Variants in DGKB observed in about 807,000 individuals in gnomAD.
DGKB encodes diacylglycerol kinase beta.
In DGKB, 67 loss-of-function variants were observed where a neutral mutation model predicts 114.3. The observed-to-expected ratio is 0.59, with a 90% CI of 0.48 to 0.72. The LOEUF (loss-of-function observed/expected upper bound fraction) is 0.72, where lower values mean the gene tolerates loss of function less well. Among genes scored for constraint, DGKB ranks in the 30% least tolerant of loss-of-function variants. The pLI is 0.00. For synonymous variants in DGKB, 398 were observed against 323.1 expected (o/e 1.23, Z -2.49); for missense variants, 907 against 975.2 (o/e 0.93, Z 0.93).
intron 25 of DGKB, among the ~76,000 whole-genome samples, chr7:14,170,145 A>AAAAAAAAGAAAGAAAG (rs1369239302): frequency 2.0e-5 from 2 of 99,980 alleles, no homozygotes; most frequent in Non-Finnish European, 4.0e-5. Flanking sequence ...AAAAAAAAAA[A>AAAAAAAAGAAAGAAAG]AAAGAAAGAA....
At chr7:14,959,648 A>T (rs898849049) in intron 1 of DGKB, among the ~76,000 whole-genome samples, 1 of 151,980 alleles carries the variant, frequency 6.6e-6, no homozygotes, top group Non-Finnish European at 1.5e-5. Context: ...AGTAACTGGA[A>T]AGCTCAGTAA....
At chr7:14,885,546 T>C (rs1854920485) in intron 1 of DGKB, among the ~76,000 whole-genome samples, 1 of 151,910 alleles carries the variant, frequency 6.6e-6, no homozygotes, top group African/African-American at 2.4e-5. Context: ...GAGTGTACAG[T>C]GGCACATAGA....
chr7:14,192,408 G>A (rs1246796405), intron 23 of DGKB, among the ~76,000 whole-genome samples: 1 of 152,098 alleles, frequency 6.6e-6, no homozygotes, highest in East Asian at 1.9e-4. Context: ...AACCAAGGAG[G>A]TGAAAGATCT....
At chr7:14,814,076 C>A (rs1843773018) in intron 2 of DGKB, 1 of 152,128 alleles carries the variant, frequency 6.6e-6, no homozygotes, top group African/African-American at 2.4e-5. Context: ...GTGAACATTA[C>A]AATTGATTCC....
Position 14,272,536 on chromosome 7 carries a change from T to C in DGKB, c.2122+65979A>G, listed in dbSNP as rs60404299. 8.8e-3 allele frequency among the ~76,000 whole-genome samples: 1,345 copies of C among 152,334 alleles called. 20 individuals carry two copies. The highest frequency in any genetic ancestry group is 0.031 in the African/African-American group (1,283 of 41,570). On this transcript the variant is annotated intron_variant, in intron 23 of 25. Transcript: ENST00000402815. Reference sequence around the variant, plus strand: ...GAGATTTATATCTTTGAAGAAGCTATGCACATAATGACTTCAAGATTCATT... The same window carrying C: ...GAGATTTATATCTTTGAAGAAGCTACGCACATAATGACTTCAAGATTCATT...
intron 23 of DGKB, among the ~76,000 whole-genome samples, chr7:14,291,811 T>A (rs751669771): frequency 8.5e-5 from 13 of 152,146 alleles, no homozygotes; most frequent in Non-Finnish European, 1.8e-4. Flanking sequence ...ATGAACCCTA[T>A]GCGGCAAAGA....
chr7:14,523,935 G>C (rs1389858890), intron 20 of DGKB, among the ~76,000 whole-genome samples: 1 of 152,028 alleles, frequency 6.6e-6, no homozygotes, highest in Non-Finnish European at 1.5e-5. Context: ...TGACTAAATG[G>C]TTATACTATA....
At chr7:14,446,396 C>G (rs1001594337) in intron 21 of DGKB, among the ~76,000 whole-genome samples, 23 of 152,164 alleles carry the variant, frequency 1.5e-4, no homozygotes, top group African/African-American at 4.1e-4. Flanking sequence ...GCTCTGTTTA[C>G]TCTTTAGGAG....
intron 23 of DGKB, among the ~76,000 whole-genome samples, chr7:14,207,005 G>C (rs2128297688): frequency 6.6e-6 from 1 of 151,916 alleles, no homozygotes; most frequent in South Asian, 2.1e-4. Flanking sequence ...TATAAATGTT[G>C]GCAATAACTT....
At chr7:14,681,764 A>C (rs1820876197) in intron 12 of DGKB, among the ~76,000 whole-genome samples, 1 of 152,104 alleles carries the variant, frequency 6.6e-6, no homozygotes, top group African/African-American at 2.4e-5. Context: ...TAACAACTGC[A>C]TTCATTCCAA....
intron 21 of DGKB, among the ~76,000 whole-genome samples, chr7:14,431,995 C>T (rs1008067497): frequency 2.6e-5 from 4 of 151,946 alleles, no homozygotes; most frequent in Non-Finnish European, 5.9e-5. Context: ...AAGACTATGC[C>T]AGGTATGTTT....
Position 14,170,193 on chromosome 7 carries a change from G to T in DGKB, c.2304+6646C>A, listed in dbSNP as rs1209216687. Among the ~76,000 whole-genome samples, 7 of 138,616 alleles carry T rather than the reference G, an allele frequency of 5.0e-5. 1 individual carries two copies. Among genetic ancestry groups the T allele is most frequent in the Non-Finnish European group, 1.1e-4 (7 of 64,352 alleles). 90.9% of individuals were successfully genotyped at this position (138,616 alleles called of 152,430 possible). On this transcript the variant is annotated intron_variant, in intron 25 of 25. Transcript: ENST00000402815. ...AGAAAGAAAGAAAGAAAGAAAGAAA[G>T]AAAGAAAGAAATACATTAAGCCTCT...
At chr7:14,952,281 A>G (rs1179716454) in intron 1 of DGKB, among the ~76,000 whole-genome samples, 1 of 152,008 alleles carries the variant, frequency 6.6e-6, no homozygotes, top group Non-Finnish European at 1.5e-5. Flanking sequence ...CCAAAATTAT[A>G]AGACTATAAA....
At position 14,538,575 on chromosome 7, in the gene DGKB, G is replaced by A. The variant is rs577147185; in HGVS notation, c.1770+35637C>T. ...GCAGCCACTATGATAAAATAGTATAGAGATTCCTCAAAAAAAAAATTGAAC... is the reference window on the plus strand; with the variant it reads ...GCAGCCACTATGATAAAATAGTATAAAGATTCCTCAAAAAAAAAATTGAAC... On this transcript the variant is annotated intron_variant, in intron 20 of 25. Coordinates refer to ENST00000402815, the MANE Select transcript of DGKB (RefSeq NM_001350709.2). 5.9e-5 allele frequency among the ~76,000 whole-genome samples: 9 copies of A among 152,090 alleles called. No homozygotes were observed. The East Asian group carries it at 1.7e-3, about 29-fold the overall frequency.
chr7:14,853,698 TACA>T lies in DGKB; in HGVS notation c.-187-12251_-187-12249del, dbSNP rs1044043863. On this transcript the variant is annotated intron_variant, in intron 1 of 25. Coordinates refer to ENST00000402815, the MANE Select transcript of DGKB (RefSeq NM_001350709.2). Reference sequence around the variant, plus strand: ...GGTGAAACCACGTCTCTACTGAAAATACAACAACAACAACAAAAAATTAGCCGG... The same window carrying T: ...GGTGAAACCACGTCTCTACTGAAAATACAACAACAACAAAAAATTAGCCGG... 4.0e-5 allele frequency among the ~76,000 whole-genome samples: 6 copies of T among 150,646 alleles called. No individual in the cohort carries two copies. In the East Asian group the frequency reaches 6.0e-4, roughly 15 times the overall value.
intron 2 of DGKB, among the ~76,000 whole-genome samples, chr7:14,825,148 C>G (rs964304346): frequency 1.3e-5 from 2 of 150,034 alleles, no homozygotes; most frequent in Admixed American, 6.7e-5. Flanking sequence ...AAATGTCTGG[C>G]ATGCAATTGG....
chr7:14,564,579 G>T (rs1473756780), intron 20 of DGKB, among the ~76,000 whole-genome samples: 1 of 151,974 alleles, frequency 6.6e-6, no homozygotes, highest in Non-Finnish European at 1.5e-5. Flanking sequence ...TATCACTCTG[G>T]TTATTTGTAT....
intron 23 of DGKB, among the ~76,000 whole-genome samples, chr7:14,259,405 CTCTATATATA>C (rs1430164700): frequency 3.2e-4 from 30 of 95,022 alleles, no homozygotes; most frequent in South Asian, 1.5e-3. Flanking sequence ...CTCTCTCTCT[CTCTATATATA>C]TATATATATA....
Position 14,736,179 on chromosome 7 carries a change from C to T in DGKB, c.184G>A (p.Gly62Ser), listed in dbSNP as rs149026335. 6.4e-7 allele frequency: 1 copy of T among 1,565,878 alleles called. No individual in the cohort carries two copies. Among genetic ancestry groups the T allele is most frequent in the South Asian group, 1.2e-5 (1 of 84,476 alleles). ...DILNQTIDFE[G>S]FKLFMKTFLE... ...AATGTCTTCATGAATAGTTTGAAACCTTCAAAATCTATTGTCTGGAAAAAA... is the reference window on the plus strand; with the variant it reads ...AATGTCTTCATGAATAGTTTGAAACTTTCAAAATCTATTGTCTGGAAAAAA... The change falls in exon 5 of 26, where the codon GGT becomes AGT. Residue 62 changes from glycine (G) to serine (S), a missense_variant. By Grantham distance (56) the Gly-to-Ser change is moderately conservative (BLOSUM62 0). Transcript: ENST00000402815.
Sources: allele counts gnomAD v4.1 joint callset (sites outside exome capture counted in the v4.1 genomes callset), GRCh38; gene constraint gnomAD v4.1.1; transcripts MANE v1.5; gene names NCBI Gene and HGNC (gene_info 2026-07-23, HGNC 2026-07-21).